The following VAC14 variants were observed in gnomAD, a reference collection of about 807,000 sequenced individuals.
VAC14 encodes the protein VAC14 component of PIKFYVE complex.
VAC14 carries 47 observed loss-of-function variants against 85.3 expected under a neutral mutation model. That is an observed-to-expected ratio of 0.55 (90% confidence interval 0.44 to 0.70). The LOEUF is 0.70. Among genes scored for constraint, VAC14 ranks in the 30% least tolerant of loss-of-function variants. The probability of loss-of-function intolerance (pLI) is 0.00; values close to 1 mark genes in which losing one functional copy is unlikely to be tolerated. For synonymous variants in VAC14, 447 were observed against 430.5 expected, an observed-to-expected ratio of 1.04 and a Z score of -0.47; for missense variants, 861 against 1,004.3, an observed-to-expected ratio of 0.86 and a Z score of 1.93.
intron 9 of VAC14, chr16:70,772,572 T>C (rs1268186590): frequency 6.3e-6 from 1 of 158,022 alleles, no homozygotes; most frequent in Non-Finnish European, 1.4e-5. Context: ...AGACAAATAA[T>C]AGCAAGTGTT....
chr16:70,705,156 C>A (rs936971849), intron 14 of VAC14, among the ~76,000 whole-genome samples: 1 of 152,178 alleles, frequency 6.6e-6, no homozygotes, highest in Non-Finnish European at 1.5e-5. Context: ...ACTGTTAGGA[C>A]GCTGAGCCAT....
intron 14 of VAC14, among the ~76,000 whole-genome samples, chr16:70,712,296 G>A (rs965947181): frequency 2.0e-5 from 3 of 152,208 alleles, no homozygotes; most frequent in Admixed American, 1.3e-4. Flanking sequence ...GGTTACAGGC[G>A]AGGCGCCCTA....
At chr16:70,763,780 C>G (rs1213841324) in intron 10 of VAC14, among the ~76,000 whole-genome samples, 3 of 152,186 alleles carry the variant, frequency 2.0e-5, no homozygotes, top group Non-Finnish European at 4.4e-5. Flanking sequence ...GACTGAAGTC[C>G]TGCGGGTCCC....
At position 70,800,792 on chromosome 16, in the gene VAC14, C is replaced by T. The variant is rs2034764587; in HGVS notation, c.104+5G>A. 6.2e-7 allele frequency: 1 copy of T among 1,610,062 alleles called. No homozygotes were observed. Among genetic ancestry groups the T allele is most frequent in the Non-Finnish European group, 8.5e-7 (1 of 1,178,202 alleles). The stretch of plus-strand genomic sequence containing the variant: ...TAGCCAGGGAGGGGTCCTGGCGGCT[C>T]TTACTTCTCGATCTCCAGCGCTGCC... On this transcript the variant is annotated splice_donor_5th_base_variant and intron_variant, in intron 1 of 18. Coordinates refer to ENST00000261776, the MANE Select transcript of VAC14 (RefSeq NM_018052.5).
At chr16:70,723,213 C>T (rs573577445) in intron 14 of VAC14, among the ~76,000 whole-genome samples, 1 of 150,908 alleles carries the variant, frequency 6.6e-6, no homozygotes, top group South Asian at 2.1e-4. Context: ...CTGAGTGAGA[C>T]CCTGTCTCAA....
rs765874748 is a variant in VAC14, at chr16:70,783,147, C to T, written c.705-8G>A. On this transcript the variant is annotated splice_region_variant and splice_polypyrimidine_tract_variant and intron_variant, in intron 6 of 18. Coordinates refer to ENST00000261776, the MANE Select transcript of VAC14 (RefSeq NM_018052.5). Reference sequence around the variant, plus strand: ...CCAAGAACAACCTCACACCTATGAACAAGAACAGGAAAGTGGAAACAGCGA... The same window carrying T: ...CCAAGAACAACCTCACACCTATGAATAAGAACAGGAAAGTGGAAACAGCGA... The T allele has an allele frequency of 4.3e-6, 7 of 1,612,812 alleles. No individual in the cohort carries two copies. The East Asian group carries it at 8.9e-5, about 21-fold the overall frequency.
chr16:70,790,169 G>A (rs1212509531), intron 1 of VAC14, among the ~76,000 whole-genome samples: 2 of 152,208 alleles, frequency 1.3e-5, no homozygotes, highest in Non-Finnish European at 2.9e-5. Context: ...GAGGTGACTC[G>A]GGGCAGGCCA....
At chr16:70,710,162 G>C (rs1285419364) in intron 14 of VAC14, among the ~76,000 whole-genome samples, 1 of 152,244 alleles carries the variant, frequency 6.6e-6, no homozygotes, top group African/African-American at 2.4e-5. Context: ...CACACAGCCA[G>C]GGCCACAGAG....
chr16:70,746,829 G>A (rs1430526866), intron 12 of VAC14, among the ~76,000 whole-genome samples: 3 of 152,240 alleles, frequency 2.0e-5, no homozygotes, highest in South Asian at 2.1e-4. Flanking sequence ...GACTGTCCAA[G>A]CACGGCCAGG....
intron 16 of VAC14, 116 bp downstream of exon 16, chr16:70,697,023 G>A: frequency 2.6e-6 from 2 of 771,972 alleles, no homozygotes; most frequent in Non-Finnish European, 4.4e-6. Flanking sequence ...GAGGCTGAGT[G>A]GAGGGGTGGG....
intron 14 of VAC14, among the ~76,000 whole-genome samples, chr16:70,730,644 C>G (rs1433602542): frequency 7.0e-6 from 1 of 143,854 alleles, no homozygotes; most frequent in African/African-American, 2.7e-5. Flanking sequence ...TTCGCCCAGG[C>G]TGGAGTGCAG....
At chr16:70,761,460 G>C (rs924100234) in intron 12 of VAC14, among the ~76,000 whole-genome samples, 2 of 152,238 alleles carry the variant, frequency 1.3e-5, no homozygotes, top group African/African-American at 4.8e-5. Context: ...TGAAGAGCTG[G>C]TATGGATGGA....
At chr16:70,746,586 C>G (rs751761870) in intron 12 of VAC14, among the ~76,000 whole-genome samples, 2 of 152,170 alleles carry the variant, frequency 1.3e-5, no homozygotes, top group African/African-American at 2.4e-5. Flanking sequence ...GGCCAGGAGC[C>G]GGGGAGCCCT....
At chr16:70,755,990 T>C (rs1239987612) in intron 12 of VAC14, 1 of 456,492 alleles carries the variant, frequency 2.2e-6, no homozygotes, top group East Asian at 6.9e-5. Context: ...GTCCGTGTCA[T>C]CAAGAATTAA....
Position 70,731,500 on chromosome 16 carries a change from G to A in VAC14, c.1656C>T (p.Ile552=). 1.2e-6 allele frequency: 2 copies of A among 1,613,948 alleles called. No homozygotes were observed. The highest frequency in any genetic ancestry group is 1.6e-4 in the Middle Eastern group (1 of 6,062). ...RKLLEVRGPF[I]IRQLCLLLNA... is the part of the protein sequence containing the mutation. ...AGCGCGCCGCCAAGGCTGACCTGAT[G>A]ATGAAAGGGCCTCTGACCTCCAGGA... The change falls in exon 14 of 19, where the codon ATC becomes ATT. Residue 552 remains isoleucine (I), a synonymous_variant. Transcript: ENST00000261776.
rs571303331 is a variant in VAC14 at position 70,765,723 on chromosome 16, C to T, written c.1161-2698G>A. Among the ~76,000 whole-genome samples the T allele has an allele frequency of 6.0e-4, 92 of 152,306 alleles. No homozygotes were observed. In the South Asian group the frequency reaches 0.015, roughly 25 times the overall value. On this transcript the variant is annotated intron_variant, in intron 10 of 18. Transcript: ENST00000261776. ...CCTGGTGGCATCGCCTCCACTGTATCCTGGGAGGGGCAGCAGAACGGCAGC... is the reference window on the plus strand; with the variant it reads ...CCTGGTGGCATCGCCTCCACTGTATTCTGGGAGGGGCAGCAGAACGGCAGC...
intron 14 of VAC14, 77 bp from the exon 15 acceptor site, chr16:70,698,888 T>A: frequency 6.5e-7 from 1 of 1,529,238 alleles, no homozygotes; most frequent in Non-Finnish European, 8.9e-7. Flanking sequence ...AGGCCTCCTC[T>A]TGGTTTTGCA....
intron 1 of VAC14, among the ~76,000 whole-genome samples, chr16:70,788,631 C>T (rs568276899): frequency 6.6e-6 from 1 of 152,348 alleles, no homozygotes; most frequent in South Asian, 2.1e-4. Flanking sequence ...GGCAGAGTGC[C>T]TAAGTATTGA....
At chr16:70,701,927 A>G (rs573596299) in intron 14 of VAC14, among the ~76,000 whole-genome samples, 2 of 152,252 alleles carry the variant, frequency 1.3e-5, no homozygotes, top group South Asian at 4.1e-4. Flanking sequence ...CAGGAATGGC[A>G]CGTGGCAGGC....
Sources: gnomAD v4.1 joint callset for allele counts (sites outside exome capture counted in the v4.1 genomes callset) on GRCh38, gnomAD v4.1.1 for gene constraint, MANE v1.5 for transcripts, NCBI Gene and HGNC (gene_info 2026-07-23, HGNC 2026-07-21) for gene names.